The following COL1A2 variants were observed in gnomAD, a reference collection of about 807,000 sequenced individuals.
COL1A2 encodes collagen type I alpha 2 chain, also known as collagen alpha-2(I) chain.
A neutral mutation model predicts 174.3 loss-of-function variants in COL1A2; 49 were observed. That is an observed-to-expected ratio of 0.28 (90% CI 0.22 to 0.36). COL1A2 has a LOEUF of 0.36. Among genes scored for constraint, COL1A2 ranks in the 10% least tolerant of loss-of-function variants. The probability of loss-of-function intolerance (pLI) is 1.00; values close to 1 mark genes in which losing one functional copy is unlikely to be tolerated. For synonymous variants in COL1A2, 655 were observed against 606.6 expected (o/e 1.08, Z -1.17); for missense variants, 1,438 against 1,822.7 (o/e 0.79, Z 3.84).
intron 33 of COL1A2, 79 bp downstream of exon 33, chr7:94,418,631 G>A: frequency 9.2e-7 from 1 of 1,091,234 alleles, no homozygotes; most frequent in Non-Finnish European, 1.4e-6. Flanking sequence ...TTCCAAATTA[G>A]AACTACACAC....
intron 26 of COL1A2, 66 bp downstream of exon 26, chr7:94,413,202 T>TAC: frequency 7.1e-7 from 1 of 1,408,322 alleles, no homozygotes; most frequent in Non-Finnish European, 1.0e-6. Flanking sequence ...CTTTTTTTTT[T>TAC]ACACCATCTG....
Position 94,427,230 on chromosome 7 carries a change from A to G in COL1A2, c.3202A>G (p.Thr1068Ala), listed in dbSNP as rs1450202185. Residue 1068 changes from threonine to alanine, a missense_variant, in exon 48 of 52, where the codon ACT becomes GCT. Thr to Ala is a moderately conservative substitution (Grantham distance 58, BLOSUM62 0). This residue lies in a region of COL1A2 where 867 missense variants were observed against 1,213.7 expected (regional missense o/e 0.71). Coordinates refer to ENST00000297268, the MANE Select transcript of COL1A2 (RefSeq NM_000089.4). ...PSGPAGKDGR[T>A]GHPGTVGPAG... Reference sequence around the variant, plus strand: ...TGGCCCTGCTGGAAAAGATGGTCGCACTGGACATCCTGGTACAGTTGGACC... The same window carrying G: ...TGGCCCTGCTGGAAAAGATGGTCGCGCTGGACATCCTGGTACAGTTGGACC... 4 of 1,614,032 alleles carry G rather than the reference A, an allele frequency of 2.5e-6. No homozygotes were observed. In the South Asian group the frequency reaches 3.3e-5, roughly 13 times the overall value.
Position 94,408,252 on chromosome 7 carries a change from T to C in COL1A2, c.693+16T>C. 6.2e-7 allele frequency: 1 copy of C among 1,613,244 alleles called. No homozygotes were observed. Among genetic ancestry groups the C allele is most frequent in the Non-Finnish European group, 8.5e-7 (1 of 1,179,676 alleles). On this transcript the variant is annotated intron_variant, in intron 14 of 51. Coordinates refer to ENST00000297268, the MANE Select transcript of COL1A2 (RefSeq NM_000089.4). The stretch of plus-strand genomic sequence containing the variant: ...TGGCCCAGCTGTAAGTGCTTCCATT[T>C]TTGTTCAGTTTCATCCTTTTAAAAA...
Position 94,425,918 on chromosome 7 carries a change from C to T in COL1A2, c.2943+61C>T, listed in dbSNP as rs560265746. 1.1e-4 allele frequency: 180 copies of T among 1,605,166 alleles called. 2 individuals carry two copies. The South Asian group carries it at 1.8e-3, about 16-fold the overall frequency. ...TCTCGTGGGCTTCACTTCTGACTTC[C>T]CCACACTTGGGGATGGTGGAGGAGT... On this transcript the variant is annotated intron_variant, in intron 44 of 51. Transcript: ENST00000297268.
intron 1 of COL1A2, among the ~76,000 whole-genome samples, chr7:94,396,348 G>C (rs1791584513): frequency 6.6e-6 from 1 of 151,882 alleles, no homozygotes; most frequent in Admixed American, 6.6e-5. Flanking sequence ...GTGTGTCTGT[G>C]TGTCTGTGTG....
chr7:94,413,264 C>G (rs1791969516), intron 26 of COL1A2, 128 bp downstream of exon 26: 7 of 978,380 alleles, frequency 7.2e-6, no homozygotes, highest in Non-Finnish European at 1.1e-5. Context: ...GGTCCTTTTA[C>G]TATCATAAAA....
chr7:94,424,229 T>G, intron 40 of COL1A2, 107 bp from the exon 41 acceptor site: 1 of 902,584 alleles, frequency 1.1e-6, no homozygotes, highest in Non-Finnish European at 1.8e-6. Context: ...TAGGAGGTCA[T>G]TAGCCTTTTT....
At chr7:94,400,594 T>G (rs1791670644) in intron 5 of COL1A2, among the ~76,000 whole-genome samples, 1 of 152,134 alleles carries the variant, frequency 6.6e-6, no homozygotes, top group Non-Finnish European at 1.5e-5. Context: ...TTATTAAGGA[T>G]TTTGATTAGA....
intron 41 of COL1A2, 198 bp from the exon 42 acceptor site, chr7:94,424,919 C>T: frequency 1.6e-6 from 1 of 617,602 alleles, no homozygotes; most frequent in East Asian, 2.9e-5. Context: ...CCCGTGATTA[C>T]ATAAAGCTGG....
rs1261891126 is a variant in COL1A2, at chr7:94,426,517, T to A, written c.3092T>A (p.Leu1031Gln). The A allele has an allele frequency of 1.2e-6, 2 of 1,602,526 alleles. No individual in the cohort carries two copies. The highest frequency in any genetic ancestry group is 1.7e-5 in the Admixed American group (1 of 58,508). The change falls in exon 46 of 52, where the codon CTG (leucine) becomes CAG (glutamine). Residue 1031 changes from leucine to glutamine, a missense_variant. By Grantham distance (113) the Leu-to-Gln change is moderately radical. This residue lies in a region of COL1A2 where 867 missense variants were observed against 1,213.7 expected (regional missense o/e 0.71). Transcript: ENST00000297268. ...GLKGHNGLQG[L>Q]PGIAGHHGDQ... ...AAGGGACACAATGGATTGCAAGGTC[T>A]GCCTGGTATCGCTGTAAGTAAACTG...
At position 94,394,943 on chromosome 7, in the gene COL1A2, G is replaced by C; in HGVS notation, c.-89G>C. On this transcript the variant is annotated 5_prime_UTR_variant, in exon 1 of 52. Transcript: ENST00000297268. ...CGGCTAAGTTGGAGGTACTGGCCACGACTGCATGCCCGCGCCCGCCAGGTG... is the reference window on the plus strand; with the variant it reads ...CGGCTAAGTTGGAGGTACTGGCCACCACTGCATGCCCGCGCCCGCCAGGTG... 1 of 1,077,088 alleles carries C rather than the reference G, an allele frequency of 9.3e-7. No homozygotes were observed. The highest frequency in any genetic ancestry group is 1.3e-5 in the South Asian group (1 of 79,916). 66.7% of individuals were successfully genotyped at this position (1,077,088 alleles called of 1,614,324 possible). A position where few individuals can be genotyped will look rare whatever the true frequency, so the allele number is the denominator to read the frequency against.
rs41317174 is a variant in COL1A2, at chr7:94,417,849, T to C, written c.1971+18T>C. On this transcript the variant is annotated intron_variant, in intron 32 of 51. Coordinates refer to ENST00000297268, the MANE Select transcript of COL1A2 (RefSeq NM_000089.4). ...GAGAAAAGGTACGTGTTGACCCCTATTACATATTGTTGATGAACTCTAGTA... is the reference window on the plus strand; with the variant it reads ...GAGAAAAGGTACGTGTTGACCCCTACTACATATTGTTGATGAACTCTAGTA... The C allele has an allele frequency of 1.2e-4, 187 of 1,557,646 alleles. No homozygotes were observed. In the African/African-American group the frequency reaches 2.4e-3, roughly 20 times the overall value.
chr7:94,401,731 A>G, intron 6 of COL1A2, 111 bp downstream of exon 6: 1 of 644,360 alleles, frequency 1.6e-6, no homozygotes, highest in South Asian at 1.9e-5. Flanking sequence ...CTCAATACTT[A>G]GATTATATAA....
At chr7:94,416,323 C>T (rs910614744) in intron 30 of COL1A2, 82 bp from the exon 31 acceptor site, 5 of 1,249,848 alleles carry the variant, frequency 4.0e-6, no homozygotes, top group Non-Finnish European at 4.5e-6. Flanking sequence ...TCGGAAGCTA[C>T]ACAAATGTAA....
chr7:94,399,708 CAATACAAGTAGTTAA>C (rs1304831507), intron 4 of COL1A2, among the ~76,000 whole-genome samples: 1 of 152,088 alleles, frequency 6.6e-6, no homozygotes, highest in Non-Finnish European at 1.5e-5. Flanking sequence ...ATTATTTTAA[CAATACAAGTAGTTAA>C]TGATAGTAAA....
chr7:94,415,252 T>C lies in COL1A2; in HGVS notation c.1746T>C (p.Pro582=). The change falls in exon 30 of 52, where the codon CCT becomes CCC. Residue 582 remains proline, a synonymous_variant. Coordinates refer to ENST00000297268, the MANE Select transcript of COL1A2 (RefSeq NM_000089.4). ...ERGLHGEFGL[P]GPAGPRGERG... ...GTCTCCATGGTGAGTTTGGTCTCCC[T>C]GGTCCTGCTGGTCCAAGAGTAAGTG... is the stretch of plus-strand genomic sequence containing the variant. 4 of 1,613,900 alleles carry C rather than the reference T, an allele frequency of 2.5e-6. No homozygotes were observed. The highest frequency in any genetic ancestry group is 3.4e-6 in the Non-Finnish European group (4 of 1,179,804).
intron 6 of COL1A2, among the ~76,000 whole-genome samples, chr7:94,402,580 G>T (rs542357073): frequency 1.3e-5 from 2 of 152,038 alleles, no homozygotes; most frequent in African/African-American, 4.8e-5. Context: ...GAAGTTTGAA[G>T]GGAAAAATGC....
chr7:94,406,535 A>G (rs1414832304), intron 12 of COL1A2, among the ~76,000 whole-genome samples: 1 of 152,190 alleles, frequency 6.6e-6, no homozygotes, highest in Non-Finnish European at 1.5e-5. Flanking sequence ...GATAAAAATA[A>G]TATTAATAGT....
chr7:94,424,830 C>A (rs2115948247), intron 41 of COL1A2: 2 of 492,130 alleles, frequency 4.1e-6, no homozygotes, highest in Admixed American at 6.5e-5. Flanking sequence ...ATCTCATCTC[C>A]ATAAAATATA....
Sources: gnomAD v4.1 joint callset for allele counts (sites outside exome capture counted in the v4.1 genomes callset) on GRCh38, gnomAD v4.1.1 for gene constraint, gnomAD v4.1.1 regional missense constraint, MANE v1.5 for transcripts, NCBI Gene and HGNC (gene_info 2026-07-23, HGNC 2026-07-21) for gene names.